Variants in ATRNL1 observed in about 807,000 individuals in gnomAD.
The protein encoded by ATRNL1 is attractin like 1, also known as attractin-like protein 1.
In ATRNL1, 95 loss-of-function variants were observed where a neutral mutation model predicts 182.7. The ratio of observed to expected loss-of-function variants is 0.52; its 90% CI spans 0.44 to 0.62. The LOEUF (loss-of-function observed/expected upper bound fraction) is 0.62, where lower values mean the gene tolerates loss of function less well. ATRNL1 is among the 20% of genes least tolerant of loss of function. The probability of loss-of-function intolerance (pLI) is 0.00; values close to 1 mark genes in which losing one functional copy is unlikely to be tolerated. For synonymous variants in ATRNL1, 576 were observed against 568.3 expected, an observed-to-expected ratio of 1.01 and a Z score of -0.19; for missense variants, 1,471 against 1,679.5, an observed-to-expected ratio of 0.88 and a Z score of 2.17.
chr10:115,494,783 A>G (rs80126582), intron 24 of ATRNL1, among the ~76,000 whole-genome samples: 2 of 152,268 alleles, frequency 1.3e-5, no homozygotes, highest in African/African-American at 4.8e-5. Flanking sequence ...TTCATCAAGG[A>G]TATTAGCCTG....
At chr10:115,299,887 A>C in intron 15 of ATRNL1, 147 bp from the exon 16 acceptor site, 1 of 565,120 alleles carries the variant, frequency 1.8e-6, no homozygotes, top group South Asian at 2.6e-5. Flanking sequence ...TATAATTGTT[A>C]ATTATTCTTA....
intron 27 of ATRNL1, among the ~76,000 whole-genome samples, chr10:115,790,039 G>T (rs1555081336): frequency 6.6e-6 from 1 of 152,088 alleles, no homozygotes; most frequent in Non-Finnish European, 1.5e-5. Flanking sequence ...GTTAGCCAGA[G>T]AATAAAGATA....
chr10:115,170,403 A>G (rs540803352), intron 7 of ATRNL1, among the ~76,000 whole-genome samples: 1 of 152,294 alleles, frequency 6.6e-6, no homozygotes, highest in East Asian at 1.9e-4. Flanking sequence ...AAGTTCTACA[A>G]GGATTTACCA....
At chr10:115,408,164 C>G (rs555027276) in intron 20 of ATRNL1, among the ~76,000 whole-genome samples, 1 of 151,186 alleles carries the variant, frequency 6.6e-6, no homozygotes, top group Non-Finnish European at 1.5e-5. Flanking sequence ...CCACCGCGCC[C>G]GGCTAATTTT....
In ATRNL1 at chr10:115,124,889, A is replaced by G. The variant is rs2143661853; in HGVS notation, c.492-2704A>G. Among the ~76,000 whole-genome samples, 2 of 152,242 alleles carry G rather than the reference A, an allele frequency of 1.3e-5. 1 individual carries two copies. Among genetic ancestry groups the G allele is most frequent in the East Asian group, 3.9e-4 (2 of 5,170 alleles). ...TGCATTAGTGGGGGTATGTAAACAG[A>G]TTTTTCACACAGCCTAGTTAGTGTT... On this transcript the variant is annotated intron_variant, in intron 3 of 28. Coordinates refer to ENST00000355044, the MANE Select transcript of ATRNL1 (RefSeq NM_207303.4).
At chr10:115,543,597 G>A (rs1341307617) in intron 25 of ATRNL1, among the ~76,000 whole-genome samples, 1 of 151,538 alleles carries the variant, frequency 6.6e-6, no homozygotes, top group Non-Finnish European at 1.5e-5. Context: ...ATAAAATAGC[G>A]ACAATATTAT....
chr10:115,840,455 C>G (rs1555096739), intron 27 of ATRNL1, among the ~76,000 whole-genome samples: 1 of 152,096 alleles, frequency 6.6e-6, no homozygotes, highest in African/African-American at 2.4e-5. Context: ...TGAGTACTTA[C>G]TGTGTGCTAT....
chr10:115,513,237 A>C (rs1291869881), intron 24 of ATRNL1, among the ~76,000 whole-genome samples: 1 of 151,910 alleles, frequency 6.6e-6, no homozygotes, highest in Non-Finnish European at 1.5e-5. Context: ...AGCCAGATAC[A>C]CTTGAACCTA....
intron 26 of ATRNL1, among the ~76,000 whole-genome samples, chr10:115,655,663 C>T (rs991237632): frequency 1.3e-5 from 2 of 152,046 alleles, no homozygotes; most frequent in Non-Finnish European, 2.9e-5. Context: ...GCTAGTAATC[C>T]AAGTCAATTT....
intron 26 of ATRNL1, among the ~76,000 whole-genome samples, chr10:115,591,972 C>T (rs780578215): frequency 9.2e-5 from 14 of 152,170 alleles, no homozygotes; most frequent in Non-Finnish European, 1.6e-4. Flanking sequence ...ACATGTACAA[C>T]ATGGAATACT....
intron 28 of ATRNL1, among the ~76,000 whole-genome samples, chr10:115,849,970 T>C (rs1163596292): frequency 6.6e-6 from 1 of 152,176 alleles, no homozygotes; most frequent in East Asian, 1.9e-4. Flanking sequence ...ACCATACTTT[T>C]TACAGAGCCT....
chr10:115,575,300 T>C (rs1555004794), intron 26 of ATRNL1, among the ~76,000 whole-genome samples: 3 of 152,152 alleles, frequency 2.0e-5, no homozygotes, highest in African/African-American at 7.2e-5. Context: ...ATGTGTGTAG[T>C]AAAACCTTTA....
At chr10:115,350,854 T>C (rs1856216289) in intron 19 of ATRNL1, among the ~76,000 whole-genome samples, 1 of 152,184 alleles carries the variant, frequency 6.6e-6, no homozygotes, top group African/African-American at 2.4e-5. Context: ...TAGATACCTT[T>C]GGGTTGTATG....
chr10:115,668,826 A>AAT (rs1945597130), intron 26 of ATRNL1, among the ~76,000 whole-genome samples: 1 of 152,138 alleles, frequency 6.6e-6, no homozygotes, highest in Non-Finnish European at 1.5e-5. Flanking sequence ...CTTATTAATA[A>AAT]ATTAATGAGC....
chr10:115,225,223 A>G (rs528452720), intron 9 of ATRNL1, among the ~76,000 whole-genome samples: 1 of 152,052 alleles, frequency 6.6e-6, no homozygotes, highest in South Asian at 2.1e-4. Flanking sequence ...ATGGTCTATA[A>G]TCTTGAAAGA....
Position 115,384,986 on chromosome 10 carries a change from AATATTTATGTGTTT to A in ATRNL1, c.3176-9660_3176-9647del, listed in dbSNP as rs1245864106. On this transcript the variant is annotated intron_variant, in intron 19 of 28. Transcript: ENST00000355044. ...TATTGTTACTTACAATATTAGTGTT[AATATTTATGTGTTT>A]ATATTTATGTGTAAGTGTATGTGTG... Among the ~76,000 whole-genome samples, 28 of 151,630 alleles carry A rather than the reference AATATTTATGTGTTT, an allele frequency of 1.8e-4. No homozygotes were observed. In the East Asian group the frequency reaches 2.9e-3, roughly 16 times the overall value.
At chr10:115,577,232 T>C (rs2263613) in intron 26 of ATRNL1, among the ~76,000 whole-genome samples, 147,665 of 151,858 alleles carry the variant, frequency 0.97, 71,959 homozygotes, top group East Asian at 1. Context: ...TCTATTCAAA[T>C]TTTAATATTG....
At chr10:115,645,889 A>G (rs1413500163) in intron 26 of ATRNL1, among the ~76,000 whole-genome samples, 1 of 152,096 alleles carries the variant, frequency 6.6e-6, no homozygotes, top group African/African-American at 2.4e-5. Flanking sequence ...GTGAAGAGGA[A>G]CACAGACATG....
At chr10:115,546,285 C>T (rs1197210157) in intron 25 of ATRNL1, among the ~76,000 whole-genome samples, 1 of 152,116 alleles carries the variant, frequency 6.6e-6, no homozygotes, top group Admixed American at 6.5e-5. Context: ...GTTACATTGG[C>T]CAGGTGCGGT....
Sources: allele counts gnomAD v4.1 joint callset (sites outside exome capture counted in the v4.1 genomes callset), GRCh38; gene constraint gnomAD v4.1.1; transcripts MANE v1.5; gene names NCBI Gene and HGNC (gene_info 2026-07-23, HGNC 2026-07-21).